Variants in RASAL2 observed in about 807,000 individuals in gnomAD.
The protein encoded by RASAL2 is RAS protein activator like 2, also known as ras GTPase-activating protein nGAP.
In RASAL2, 58 loss-of-function variants were observed where a neutral mutation model predicts 128.9. That is an observed-to-expected ratio of 0.45 (90% CI 0.36 to 0.56). The LOEUF (loss-of-function observed/expected upper bound fraction) is 0.56, where lower values mean the gene tolerates loss of function less well. Among genes scored for constraint, RASAL2 ranks in the 20% least tolerant of loss-of-function variants. The pLI is 0.00. For missense variants in RASAL2, 1,360 were observed against 1,601.6 expected (o/e 0.85, Z 2.57); for synonymous variants, 561 against 580.8 (o/e 0.97, Z 0.49).
chr1:178,264,675 A>T (rs1557864258), intron 1 of RASAL2, among the ~76,000 whole-genome samples: 1 of 152,180 alleles, frequency 6.6e-6, no homozygotes, highest in East Asian at 1.9e-4. Context: ...TTCTGTCCCT[A>T]TGGAGTTTTA....
chr1:178,459,766 G>T (rs1391400232), intron 14 of RASAL2, among the ~76,000 whole-genome samples: 2 of 152,024 alleles, frequency 1.3e-5, no homozygotes, highest in Non-Finnish European at 2.9e-5. Flanking sequence ...CTCCTAGTTG[G>T]TCATTTTTTA....
chr1:178,473,210 A>G lies in RASAL2; in HGVS notation c.3814A>G (p.Asn1272Asp). ...CCCCACCAAGCTTTCCATCACGGAG[A>G]ATGGTGAATTCAAAAACAGCAGCTG... ...TNPTKLSITE[N>D]GEFKNSSC is the part of the protein sequence containing the mutation. The change falls in exon 18 of 18, where the codon AAT (asparagine) becomes GAT (aspartate). Residue 1272 changes from asparagine (N) to aspartate (D), a missense_variant. Around this residue, in one of 3 missense-constraint regions of RASAL2, gnomAD observed 741 missense variants for 868.6 expected, o/e 0.85. Coordinates refer to ENST00000367649, the MANE Select transcript of RASAL2 (RefSeq NM_170692.4). 6.2e-7 allele frequency: 1 copy of G among 1,614,092 alleles called. No homozygotes were observed.
At position 178,262,537 on chromosome 1, in the gene RASAL2, A is replaced by G. The variant is rs146564626; in HGVS notation, c.203-21027A>G. On this transcript the variant is annotated intron_variant, in intron 1 of 17. Transcript: ENST00000367649. ...GTTTGGATTCAGCTTTTTTAAAAAT[A>G]GCAAAAGATGTCACCCATCAAATTT... Among the ~76,000 whole-genome samples the G allele has an allele frequency of 1.1e-4, 17 of 152,338 alleles. No individual in the cohort carries two copies. The East Asian group carries it at 3.3e-3, about 29-fold the overall frequency.
At chr1:178,140,417 C>T (rs1304543481) in intron 1 of RASAL2, among the ~76,000 whole-genome samples, 1 of 152,144 alleles carries the variant, frequency 6.6e-6, no homozygotes, top group African/African-American at 2.4e-5. Context: ...ATATCTCTAC[C>T]ATTACAGTAT....
At chr1:178,130,721 A>G (rs1404360253) in intron 1 of RASAL2, among the ~76,000 whole-genome samples, 1 of 152,112 alleles carries the variant, frequency 6.6e-6, no homozygotes, top group African/African-American at 2.4e-5. Context: ...GATGTAATCA[A>G]ATATTAATCT....
chr1:178,119,386 A>G (rs992707787), intron 1 of RASAL2, among the ~76,000 whole-genome samples: 3 of 152,182 alleles, frequency 2.0e-5, no homozygotes, highest in Non-Finnish European at 4.4e-5. Context: ...AGTTAAGGGC[A>G]TGTACTTTAA....
chr1:178,416,644 G>A (rs539014939), intron 4 of RASAL2, among the ~76,000 whole-genome samples: 3 of 151,868 alleles, frequency 2.0e-5, no homozygotes, highest in Non-Finnish European at 4.4e-5. Context: ...TGCAATGCTG[G>A]TCTACTGGCA....
At chr1:178,205,735 C>T (rs1213069570) in intron 1 of RASAL2, among the ~76,000 whole-genome samples, 10 of 151,840 alleles carry the variant, frequency 6.6e-5, no homozygotes, top group South Asian at 2.1e-4. Context: ...CCAGCCTGGG[C>T]GACAGAGCGA....
chr1:178,298,712 A>G (rs1375382232), intron 2 of RASAL2, among the ~76,000 whole-genome samples: 1 of 152,220 alleles, frequency 6.6e-6, no homozygotes, highest in Non-Finnish European at 1.5e-5. Context: ...AATGTCACAC[A>G]TATGAACTCA....
intron 1 of RASAL2, among the ~76,000 whole-genome samples, chr1:178,251,156 G>T (rs1354634262): frequency 1.3e-5 from 2 of 152,090 alleles, no homozygotes; most frequent in African/African-American, 2.4e-5. Context: ...TAACCTTTTC[G>T]TGTCTAAATC....
chr1:178,335,775 A>G (rs1236601486), intron 3 of RASAL2, among the ~76,000 whole-genome samples: 3 of 152,212 alleles, frequency 2.0e-5, no homozygotes, highest in Non-Finnish European at 2.9e-5. Context: ...GTTCCAATAA[A>G]TATATACATT....
intron 5 of RASAL2, among the ~76,000 whole-genome samples, chr1:178,423,801 T>G (rs930015194): frequency 2.0e-5 from 3 of 152,178 alleles, no homozygotes; most frequent in African/African-American, 7.2e-5. Flanking sequence ...TTCTGTGACT[T>G]ACCTATTTCC....
At chr1:178,331,929 T>A (rs1287533448) in intron 3 of RASAL2, among the ~76,000 whole-genome samples, 2 of 152,200 alleles carry the variant, frequency 1.3e-5, no homozygotes, top group African/African-American at 4.8e-5. Context: ...AAGAACATTT[T>A]TGGCATTTAA....
chr1:178,108,283 C>T (rs891261629), intron 1 of RASAL2, among the ~76,000 whole-genome samples: 1 of 151,988 alleles, frequency 6.6e-6, no homozygotes, highest in Non-Finnish European at 1.5e-5. Context: ...CTCTTTTTTG[C>T]ATGAATTCTC....
chr1:178,261,932 G>T (rs953465094), intron 1 of RASAL2, among the ~76,000 whole-genome samples: 4 of 150,650 alleles, frequency 2.7e-5, no homozygotes, highest in African/African-American at 9.7e-5. Context: ...AAAAAAAAGT[G>T]TTGATGTGCT....
At chr1:178,421,741 C>T (rs1334109927) in intron 5 of RASAL2, among the ~76,000 whole-genome samples, 6 of 151,712 alleles carry the variant, frequency 4.0e-5, no homozygotes, top group African/African-American at 1.2e-4. Context: ...TGATTACTGT[C>T]TTTATTTTGT....
At chr1:178,207,245 T>G (rs1663083472) in intron 1 of RASAL2, among the ~76,000 whole-genome samples, 1 of 151,868 alleles carries the variant, frequency 6.6e-6, no homozygotes, top group African/African-American at 2.4e-5. Context: ...TGACCTTATA[T>G]CCAAAGAAAT....
At chr1:178,149,498 C>T (rs1163527428) in intron 1 of RASAL2, among the ~76,000 whole-genome samples, 1 of 151,662 alleles carries the variant, frequency 6.6e-6, no homozygotes. Context: ...TTCTGCTTGT[C>T]ATCTCATAAT....
chr1:178,253,846 T>A (rs1371812922), intron 1 of RASAL2, among the ~76,000 whole-genome samples: 2 of 152,234 alleles, frequency 1.3e-5, no homozygotes, highest in African/African-American at 4.8e-5. Context: ...TCACTTCTTT[T>A]GTGATTCTTC....
Sources: gnomAD v4.1 joint callset for allele counts (sites outside exome capture counted in the v4.1 genomes callset) on GRCh38, gnomAD v4.1.1 for gene constraint, gnomAD v4.1.1 regional missense constraint, MANE v1.5 for transcripts, NCBI Gene and HGNC (gene_info 2026-07-23, HGNC 2026-07-21) for gene names.